Variants in KLHL29 observed in about 807,000 individuals in gnomAD.
The protein encoded by KLHL29 is kelch-like protein 29.
Under a neutral mutation model 80.4 loss-of-function variants are expected in KLHL29, and 21 were observed. That is an observed-to-expected ratio of 0.26 (90% CI 0.19 to 0.38). The LOEUF is 0.38. Ranked by LOEUF, KLHL29 falls within the 10% of genes least tolerant of loss-of-function variation. The pLI, the probability that KLHL29 is intolerant of heterozygous loss-of-function variation, is 1.00. For missense variants in KLHL29, 867 were observed against 1,223.9 expected, an observed-to-expected ratio of 0.71 and a Z score of 4.35; for synonymous variants, 511 against 526.8, an observed-to-expected ratio of 0.97 and a Z score of 0.41.
At chr2:23,552,427 A>G (rs1179730000) in intron 2 of KLHL29, among the ~76,000 whole-genome samples, 3 of 152,180 alleles carry the variant, frequency 2.0e-5, no homozygotes, top group Non-Finnish European at 4.4e-5. Flanking sequence ...AAGAAAAAAG[A>G]AGAGCCTTGT....
intron 1 of KLHL29, among the ~76,000 whole-genome samples, chr2:23,470,470 G>T (rs1664467905): frequency 6.6e-6 from 1 of 152,110 alleles, no homozygotes; most frequent in Non-Finnish European, 1.5e-5. Flanking sequence ...TTTTTGCCAT[G>T]AGCCTCTGTT....
intron 1 of KLHL29, among the ~76,000 whole-genome samples, chr2:23,390,828 A>T (rs1666302179): frequency 1.3e-5 from 2 of 151,664 alleles, no homozygotes; most frequent in Non-Finnish European, 1.5e-5. Flanking sequence ...ATTTTTTTGC[A>T]TTTTTAGTAG....
intron 3 of KLHL29, among the ~76,000 whole-genome samples, chr2:23,605,372 A>G (rs1339205408): frequency 6.6e-6 from 1 of 151,898 alleles, no homozygotes; most frequent in African/African-American, 2.4e-5. Flanking sequence ...TGCTGAGATC[A>G]CAGGCATGAG....
chr2:23,431,302 G>A (rs1558335656), intron 1 of KLHL29, among the ~76,000 whole-genome samples: 1 of 152,222 alleles, frequency 6.6e-6, no homozygotes, highest in African/African-American at 2.4e-5. Flanking sequence ...TCAAGGCATA[G>A]AACAGCAGTG....
At chr2:23,691,441 T>C (rs1671594130) in intron 6 of KLHL29, 2 of 583,482 alleles carry the variant, frequency 3.4e-6, no homozygotes, top group East Asian at 2.9e-5. Flanking sequence ...TTTTTTTGCA[T>C]GGACATGCCG....
Position 23,612,611 on chromosome 2 carries a change from G to A in KLHL29, c.286-26528G>A, listed in dbSNP as rs538835500. 1.4e-4 allele frequency among the ~76,000 whole-genome samples: 21 copies of A among 152,168 alleles called. No individual in the cohort carries two copies. In the East Asian group the frequency reaches 1.7e-3, roughly 13 times the overall value. ...ACAAAAATTAGGTGGTCATGGTGGT[G>A]AACGCCTGTAATCCCAGCTACTCAG... is the stretch of plus-strand genomic sequence containing the variant. On this transcript the variant is annotated intron_variant, in intron 3 of 13. Transcript: ENST00000486442.
intron 11 of KLHL29, chr2:23,697,963 G>A (rs992478025): frequency 3.9e-5 from 6 of 152,150 alleles, no homozygotes; most frequent in African/African-American, 1.4e-4. Flanking sequence ...TGCTTTTGTC[G>A]GCTATTTTTA....
At chr2:23,435,818 G>T (rs1392355142) in intron 1 of KLHL29, among the ~76,000 whole-genome samples, 1 of 151,968 alleles carries the variant, frequency 6.6e-6, no homozygotes, top group Admixed American at 6.5e-5. Context: ...GAGGTGTTTG[G>T]AACCCTTTGC....
chr2:23,482,826 C>CTCAT (rs55692243), intron 2 of KLHL29, among the ~76,000 whole-genome samples: 26 of 150,294 alleles, frequency 1.7e-4, no homozygotes, highest in African/African-American at 3.4e-4. Context: ...GCAACGCTCA[C>CTCAT]TCATTCATTC....
At chr2:23,412,838 G>A (rs929426757) in intron 1 of KLHL29, among the ~76,000 whole-genome samples, 3 of 152,082 alleles carry the variant, frequency 2.0e-5, no homozygotes, top group East Asian at 1.9e-4. Context: ...GGCAGGTGTC[G>A]GCCTTGGAGG....
intron 3 of KLHL29, among the ~76,000 whole-genome samples, chr2:23,567,246 T>C (rs1420423645): frequency 6.6e-6 from 1 of 152,216 alleles, no homozygotes; most frequent in East Asian, 1.9e-4. Context: ...TGCAATTTTG[T>C]TCCTGAAAGA....
intron 2 of KLHL29, among the ~76,000 whole-genome samples, chr2:23,528,392 C>T (rs1310439412): frequency 2.0e-5 from 3 of 152,090 alleles, no homozygotes; most frequent in African/African-American, 4.8e-5. Flanking sequence ...TCTCCATTTC[C>T]GATGCTGGTT....
chr2:23,545,990 A>G (rs1238556757), intron 2 of KLHL29, among the ~76,000 whole-genome samples: 1 of 152,166 alleles, frequency 6.6e-6, no homozygotes, highest in Non-Finnish European at 1.5e-5. Flanking sequence ...GCCCTCTGTA[A>G]ATGGACTGCC....
chr2:23,551,941 ACCCTCT>A (rs1667141749), intron 2 of KLHL29, among the ~76,000 whole-genome samples: 1 of 152,166 alleles, frequency 6.6e-6, no homozygotes, highest in South Asian at 2.1e-4. Flanking sequence ...CCTGGGCTTC[ACCCTCT>A]TGCTTTTCCT....
intron 2 of KLHL29, among the ~76,000 whole-genome samples, chr2:23,550,115 G>T (rs1667084432): frequency 1.3e-5 from 2 of 152,096 alleles, no homozygotes; most frequent in South Asian, 4.1e-4. Flanking sequence ...CTCCCTGAAG[G>T]CAGGAGCTGT....
At chr2:23,417,161 G>T (rs978769937) in intron 1 of KLHL29, among the ~76,000 whole-genome samples, 9 of 151,974 alleles carry the variant, frequency 5.9e-5, no homozygotes, top group Admixed American at 3.9e-4. Flanking sequence ...CAAGACCCCT[G>T]CTTGGTTCAG....
At chr2:23,612,586 A>G (rs1018684444) in intron 3 of KLHL29, among the ~76,000 whole-genome samples, 5 of 152,148 alleles carry the variant, frequency 3.3e-5, no homozygotes, top group African/African-American at 1.2e-4. Context: ...TACTAAAAAT[A>G]CAAAAATTAG....
In KLHL29 at chr2:23,435,206, A is replaced by C. The variant is rs1014072402; in HGVS notation, c.-153-40354A>C. Among the ~76,000 whole-genome samples the C allele has an allele frequency of 5.3e-4, 80 of 152,118 alleles. 4 individuals carry two copies. ...GACGGGGAATGTATGGTGTTGGGTA[A>C]GGTCGGGCATTAGGAGATGGCACTG... is the stretch of plus-strand genomic sequence containing the variant. On this transcript the variant is annotated intron_variant, in intron 1 of 13. Transcript: ENST00000486442.
chr2:23,558,558 T>C (rs1477175584), intron 2 of KLHL29, among the ~76,000 whole-genome samples: 4 of 152,208 alleles, frequency 2.6e-5, no homozygotes, highest in South Asian at 2.1e-4. Context: ...CACACCACCA[T>C]GCCTGGCTAA....
Sources: gnomAD v4.1 joint callset for allele counts (sites outside exome capture counted in the v4.1 genomes callset) on GRCh38, gnomAD v4.1.1 for gene constraint, MANE v1.5 for transcripts, NCBI Gene and HGNC (gene_info 2026-07-23, HGNC 2026-07-21) for gene names.